The following SNX13 variants were observed in gnomAD, a reference collection of about 807,000 sequenced individuals.
SNX13 encodes sorting nexin 13, also known as sorting nexin-13.
In SNX13, 45 loss-of-function variants were observed where a neutral mutation model predicts 133.6. The ratio of observed to expected loss-of-function variants is 0.34; its 90% CI spans 0.27 to 0.43. SNX13 has a LOEUF of 0.43. SNX13 is among the 20% of genes least tolerant of loss of function. SNX13 has a pLI of 1.00. For synonymous variants in SNX13, 414 were observed against 373.9 expected (o/e 1.11, Z -1.24); for missense variants, 1,032 against 1,145.1 (o/e 0.90, Z 1.43).
intron 5 of SNX13, chr7:17,880,387 T>A (rs1434741914): frequency 6.6e-6 from 1 of 152,250 alleles, no homozygotes; most frequent in Non-Finnish European, 1.5e-5. Context: ...TCAATCTAAG[T>A]TGACTGTTAA....
At chr7:17,803,396 C>G (rs1309563683) in intron 21 of SNX13, 23 bp downstream of exon 21, 9 of 1,585,318 alleles carry the variant, frequency 5.7e-6, no homozygotes, top group Non-Finnish European at 6.9e-6. Flanking sequence ...TTGCTTTAGA[C>G]ATTACTGAAA....
At chr7:17,800,954 T>C (rs1205837255) in intron 22 of SNX13, among the ~76,000 whole-genome samples, 1 of 147,830 alleles carries the variant, frequency 6.8e-6, no homozygotes, top group East Asian at 2.0e-4. Flanking sequence ...TTGATGGCAA[T>C]GTAAGTGGTA....
intron 1 of SNX13, among the ~76,000 whole-genome samples, chr7:17,908,532 C>A (rs1798625413): frequency 1.3e-5 from 2 of 152,178 alleles, no homozygotes; most frequent in African/African-American, 4.8e-5. Flanking sequence ...AAACACCTCA[C>A]ACTCTTCCCA....
chr7:17,901,815 T>C (rs533817346), intron 1 of SNX13, among the ~76,000 whole-genome samples: 40 of 152,292 alleles, frequency 2.6e-4, no homozygotes, highest in African/African-American at 8.7e-4. Context: ...GTGCTTTATA[T>C]GTGGATAGTT....
chr7:17,885,693 C>G (rs1304416164), intron 5 of SNX13, among the ~76,000 whole-genome samples: 2 of 151,980 alleles, frequency 1.3e-5, no homozygotes, highest in African/African-American at 4.8e-5. Flanking sequence ...CCGGGAGTGG[C>G]AGCGTGCACC....
At chr7:17,901,725 C>G (rs893037743) in intron 1 of SNX13, among the ~76,000 whole-genome samples, 1 of 152,182 alleles carries the variant, frequency 6.6e-6, no homozygotes, top group Admixed American at 6.5e-5. Flanking sequence ...GTCCTTCCTA[C>G]CATCTTCAGT....
At chr7:17,876,862 T>TA (rs902224922) in intron 5 of SNX13, among the ~76,000 whole-genome samples, 9 of 151,882 alleles carry the variant, frequency 5.9e-5, no homozygotes, top group African/African-American at 1.9e-4. Flanking sequence ...TTCTTTTTCA[T>TA]AAAATCGCAC....
chr7:17,888,823 C>T, intron 5 of SNX13: 1 of 439,836 alleles, frequency 2.3e-6, no homozygotes. Context: ...GTTATTATTA[C>T]ACTTATTTTA....
At chr7:17,835,874 A>G (rs2128312997) in intron 13 of SNX13, among the ~76,000 whole-genome samples, 1 of 151,894 alleles carries the variant, frequency 6.6e-6, no homozygotes, top group Middle Eastern at 3.4e-3. Context: ...TTTGAGGGGG[A>G]TGCTTATTTG....
At position 17,839,879 on chromosome 7, in the gene SNX13, A is replaced by G; in HGVS notation, c.1287T>C (p.His429=). 6.2e-7 allele frequency: 1 copy of G among 1,611,952 alleles called. No homozygotes were observed. The highest frequency in any genetic ancestry group is 1.1e-5 in the South Asian group (1 of 90,996). The change falls in exon 13 of 26, where the codon CAT becomes CAC. Residue 429 remains histidine (H), a synonymous_variant. Coordinates refer to ENST00000428135, the MANE Select transcript of SNX13 (RefSeq NM_015132.5). ...VLLSRQRDGK[H]QTNQTKGLLR... ...AAAGACCTTTGGTTTGGTTGGTTTG[A>G]TGTTTTCCATCTCTCTGACGACTTA...
At chr7:17,915,511 T>A (rs1408016036) in intron 1 of SNX13, among the ~76,000 whole-genome samples, 4 of 152,166 alleles carry the variant, frequency 2.6e-5, no homozygotes, top group African/African-American at 4.8e-5. Context: ...CTCCCCCATA[T>A]AAACACCACA....
chr7:17,859,220 T>A (rs1792313197), intron 9 of SNX13, among the ~76,000 whole-genome samples: 1 of 151,976 alleles, frequency 6.6e-6, no homozygotes, highest in Admixed American at 6.5e-5. Context: ...CTATGTAGAA[T>A]ATACGAAGCA....
chr7:17,805,250 T>TGTGTGTGTGTGTGTGTGTGTGTGTGC, intron 20 of SNX13, among the ~76,000 whole-genome samples: 6 of 95,592 alleles, frequency 6.3e-5, no homozygotes, highest in East Asian at 2.4e-4. Flanking sequence ...TGTGTGTGTG[T>TGTGTGTGTGTGTGTGTGTGTGTGTGC]GCGTGCGCGC....
At chr7:17,910,852 T>C (rs1384440330) in intron 1 of SNX13, among the ~76,000 whole-genome samples, 1 of 152,130 alleles carries the variant, frequency 6.6e-6, no homozygotes, top group Non-Finnish European at 1.5e-5. Flanking sequence ...CATAAATCCA[T>C]AGTAACAGAA....
intron 1 of SNX13, among the ~76,000 whole-genome samples, chr7:17,930,193 C>G (rs1048819195): frequency 2.0e-5 from 3 of 152,116 alleles, no homozygotes; most frequent in Admixed American, 2.0e-4. Flanking sequence ...TGTTACTTCA[C>G]TTAATACTTG....
chr7:17,805,250 T>TGTGTGTGTGTGTGTGCGCGCGCGC, intron 20 of SNX13, among the ~76,000 whole-genome samples: 41 of 95,554 alleles, frequency 4.3e-4, no homozygotes, highest in African/African-American at 5.7e-4. Flanking sequence ...TGTGTGTGTG[T>TGTGTGTGTGTGTGTGCGCGCGCGC]GCGTGCGCGC....
At chr7:17,910,781 A>C (rs1242055159) in intron 1 of SNX13, among the ~76,000 whole-genome samples, 1 of 152,222 alleles carries the variant, frequency 6.6e-6, no homozygotes, top group Non-Finnish European at 1.5e-5. Context: ...TGTTAAATGA[A>C]AGAAGCCAGA....
intron 2 of SNX13, among the ~76,000 whole-genome samples, chr7:17,893,688 GACAA>G (rs1796887120): frequency 6.6e-6 from 1 of 152,074 alleles, no homozygotes. Context: ...AGAATCTTGT[GACAA>G]GGCCAGGTGT....
chr7:17,840,356 ATATATT>A (rs764896334), intron 12 of SNX13, among the ~76,000 whole-genome samples: 52 of 152,166 alleles, frequency 3.4e-4, no homozygotes, highest in Non-Finnish European at 5.4e-4. Context: ...TCTTCAAACC[ATATATT>A]TATATTTTTA....
Sources: gnomAD v4.1 joint callset for allele counts (sites outside exome capture counted in the v4.1 genomes callset) on GRCh38, gnomAD v4.1.1 for gene constraint, MANE v1.5 for transcripts, NCBI Gene and HGNC (gene_info 2026-07-23, HGNC 2026-07-21) for gene names.